The following ARB2A variants were observed in gnomAD, a reference collection of about 807,000 sequenced individuals.
ARB2A encodes the protein cotranscriptional regulator ARB2A.
At chr5:93,697,978 C>A in the ARB2A span, among the ~76,000 whole-genome samples, 1 of 151,998 alleles carries the variant, frequency 6.6e-6, no homozygotes, top group African/African-American at 2.4e-5. Flanking sequence ...AAAATATAGT[C>A]TCAGACATAT....
chr5:93,909,763 T>C, the ARB2A span, among the ~76,000 whole-genome samples: 1 of 150,946 alleles, frequency 6.6e-6, no homozygotes, highest in East Asian at 1.9e-4. Flanking sequence ...CTACTTAAAT[T>C]AAAATATAGA....
At chr5:94,023,499 T>C in the ARB2A span, among the ~76,000 whole-genome samples, 3 of 152,240 alleles carry the variant, frequency 2.0e-5, no homozygotes, top group Non-Finnish European at 4.4e-5. Flanking sequence ...TTACACCAGA[T>C]GCCTGAAGGG....
the ARB2A span, among the ~76,000 whole-genome samples, chr5:94,038,950 T>A: frequency 1.3e-5 from 2 of 152,170 alleles, no homozygotes; most frequent in Non-Finnish European, 2.9e-5. Context: ...ATTTCCACTA[T>A]CCTCTGTATA....
the ARB2A span, among the ~76,000 whole-genome samples, chr5:93,798,322 T>C: frequency 6.6e-6 from 1 of 152,086 alleles, no homozygotes; most frequent in Non-Finnish European, 1.5e-5. Context: ...TAGTCCCCTT[T>C]CTCCTCAAAC....
At chr5:94,005,414 C>T in the ARB2A span, among the ~76,000 whole-genome samples, 1 of 152,174 alleles carries the variant, frequency 6.6e-6, no homozygotes, top group East Asian at 1.9e-4. Context: ...CACCATATTG[C>T]CCAGGGTGGT....
At chr5:93,898,881 A>G in the ARB2A span, among the ~76,000 whole-genome samples, 1 of 152,090 alleles carries the variant, frequency 6.6e-6, no homozygotes, top group Admixed American at 6.6e-5. Context: ...CACATGTATC[A>G]TCTCACTTAA....
the ARB2A span, among the ~76,000 whole-genome samples, chr5:93,920,222 G>A: frequency 6.6e-6 from 1 of 152,118 alleles, no homozygotes; most frequent in South Asian, 2.1e-4. Context: ...TAAAGACTAA[G>A]TGCTGACTCT....
chr5:93,641,667 G>C, the ARB2A span, among the ~76,000 whole-genome samples: 1 of 152,152 alleles, frequency 6.6e-6, no homozygotes, highest in East Asian at 1.9e-4. Context: ...AGAATGCTAT[G>C]ACTCATTTAC....
chr5:93,966,096 A>ACCCCTT, the ARB2A span, among the ~76,000 whole-genome samples: 125 of 152,148 alleles, frequency 8.2e-4, no homozygotes, highest in Middle Eastern at 3.4e-3. Flanking sequence ...AGTAAACTAA[A>ACCCCTT]AATGTGGAGG....
chr5:93,824,460 T>TA, the ARB2A span, among the ~76,000 whole-genome samples: 3 of 151,984 alleles, frequency 2.0e-5, no homozygotes, highest in East Asian at 1.9e-4. Context: ...AAAAAGTTTG[T>TA]AAAAAAATAG....
chr5:94,035,792 T>A, the ARB2A span, among the ~76,000 whole-genome samples: 1 of 151,884 alleles, frequency 6.6e-6, no homozygotes, highest in South Asian at 2.1e-4. Flanking sequence ...CACTCATAAG[T>A]GGGAGTTGAA....
chr5:93,773,510 G>A, the ARB2A span, among the ~76,000 whole-genome samples: 1 of 152,188 alleles, frequency 6.6e-6, no homozygotes, highest in East Asian at 1.9e-4. Flanking sequence ...CAAACTCTTC[G>A]AGAATGAAAG....
chr5:93,794,943 T>G, the ARB2A span, among the ~76,000 whole-genome samples: 2 of 152,124 alleles, frequency 1.3e-5, no homozygotes, highest in Non-Finnish European at 2.9e-5. Flanking sequence ...ATAGGCAGGA[T>G]CTAAACTTGT....
At chr5:93,782,481 T>C in the ARB2A span, among the ~76,000 whole-genome samples, 1 of 152,194 alleles carries the variant, frequency 6.6e-6, no homozygotes. Context: ...AATTTAGTTC[T>C]CCCATATGCT....
chr5:93,881,729 T>A, the ARB2A span: 1 of 1,348,452 alleles, frequency 7.4e-7, no homozygotes, highest in Non-Finnish European at 9.8e-7. Context: ...TTAAATCTTA[T>A]AATCCATTTC....
At chr5:93,846,618 ATTAAG>A in the ARB2A span, among the ~76,000 whole-genome samples, 8 of 152,316 alleles carry the variant, frequency 5.3e-5, no homozygotes, top group Admixed American at 2.6e-4. Flanking sequence ...CAAAGGTGTA[ATTAAG>A]TTATTTATAT....
chr5:93,995,885 C>T, the ARB2A span, among the ~76,000 whole-genome samples: 2 of 152,076 alleles, frequency 1.3e-5, no homozygotes, highest in African/African-American at 2.4e-5. Context: ...ACAAAACTTG[C>T]GGAAACTAAA....
At chr5:93,742,756 G>C in the ARB2A span, among the ~76,000 whole-genome samples, 1 of 152,178 alleles carries the variant, frequency 6.6e-6, no homozygotes, top group African/African-American at 2.4e-5. Context: ...TCTGGCTATA[G>C]TGACAACTCT....
the ARB2A span, among the ~76,000 whole-genome samples, chr5:93,957,163 T>G: frequency 6.6e-6 from 1 of 152,148 alleles, no homozygotes; most frequent in Non-Finnish European, 1.5e-5. Flanking sequence ...ACCACAAAGT[T>G]TGTTCAAACA....
Sources: gnomAD v4.1 joint callset for allele counts (sites outside exome capture counted in the v4.1 genomes callset) on GRCh38, gnomAD v4.1.1 for gene constraint, MANE v1.5 for transcripts, NCBI Gene and HGNC (gene_info 2026-07-23, HGNC 2026-07-21) for gene names.